The following LARP1 variants were observed in gnomAD, a reference collection of about 807,000 sequenced individuals.
LARP1 encodes la-related protein 1.
LARP1 carries 36 observed loss-of-function variants against 122.7 expected under a neutral mutation model. The observed-to-expected ratio is 0.29, with a 90% CI of 0.22 to 0.39. The LOEUF (loss-of-function observed/expected upper bound fraction) is 0.39. Ranked by LOEUF, LARP1 falls within the 10% of genes least tolerant of loss-of-function variation. The pLI, the probability that LARP1 is intolerant of heterozygous loss-of-function variation, is 1.00. For missense variants in LARP1, 1,040 were observed against 1,403.6 expected, an observed-to-expected ratio of 0.74 and a Z score of 4.14; for synonymous variants, 539 against 528.7, an observed-to-expected ratio of 1.02 and a Z score of -0.27.
chr5:154,730,755 A>G (rs2113400614), intron 1 of LARP1, among the ~76,000 whole-genome samples: 1 of 151,330 alleles, frequency 6.6e-6, no homozygotes, highest in South Asian at 2.1e-4. Context: ...TACAGGTGTG[A>G]GCCACCATGC....
chr5:154,766,310 G>T (rs1582337411), intron 1 of LARP1, among the ~76,000 whole-genome samples: 1 of 152,376 alleles, frequency 6.6e-6, no homozygotes, highest in East Asian at 1.9e-4. Flanking sequence ...CCACATGGCA[G>T]AACGTCTTGG....
chr5:154,688,356 TA>T (rs549569729), intron 1 of LARP1, among the ~76,000 whole-genome samples: 121 of 150,000 alleles, frequency 8.1e-4, no homozygotes, highest in African/African-American at 2.8e-3. Context: ...GTTCACATCT[TA>T]AAAAAAAAAT....
Position 154,756,801 on chromosome 5 carries a change from C to CGT in LARP1, c.436+611_436+612dup, listed in dbSNP as rs1405049486. On this transcript the variant is annotated intron_variant, in intron 1 of 18. Coordinates refer to ENST00000518297, the MANE Select transcript of LARP1 (RefSeq NM_033551.3). Reference sequence around the variant, plus strand: ...TCAGTTGTGGGGAGAAGAAACCCATCGTGTCATCGAATTCGGTGGTTTCCC... The same window carrying CGT: ...TCAGTTGTGGGGAGAAGAAACCCATCGTGTGTCATCGAATTCGGTGGTTTCCC... Among the ~76,000 whole-genome samples the CGT allele has an allele frequency of 2.0e-5, 3 of 152,188 alleles. No homozygotes were observed. The East Asian group carries it at 5.8e-4, about 29-fold the overall frequency.
chr5:154,698,618 T>A (rs941612811), intron 1 of LARP1, among the ~76,000 whole-genome samples: 4 of 152,010 alleles, frequency 2.6e-5, no homozygotes, highest in African/African-American at 9.6e-5. Context: ...AATAAATAAA[T>A]AAAAATTGAT....
Position 154,799,611 on chromosome 5 carries a change from G to A in LARP1, c.1398G>A (p.Val466=), listed in dbSNP as rs1758178992. The A allele has an allele frequency of 1.2e-6, 2 of 1,614,040 alleles. No individual in the cohort carries two copies. Among genetic ancestry groups the A allele is most frequent in the Non-Finnish European group, 1.7e-6 (2 of 1,180,030 alleles). ...TTCAGGCCCTAAAGGACAGCAAGGT[G>A]GTGGAGATCGTTGATGAGAAAGTTC... is the stretch of plus-strand genomic sequence containing the variant. ...LIFAALKDSK[V]VEIVDEKVRR... is the part of the protein sequence containing the mutation. Residue 466 remains valine (V), a synonymous_variant, in exon 9 of 19, where the codon GTG becomes GTA. Transcript: ENST00000518297.
chr5:154,709,758 G>A (rs964405884), upstream of LARP1, among the ~76,000 whole-genome samples: 5 of 151,992 alleles, frequency 3.3e-5, no homozygotes, highest in South Asian at 2.1e-4. Context: ...TAAAATAAGT[G>A]TCAGATGCTG....
intron 1 of LARP1, among the ~76,000 whole-genome samples, chr5:154,780,088 G>A (rs1233312175): frequency 1.3e-5 from 2 of 151,950 alleles, no homozygotes; most frequent in South Asian, 2.1e-4. Flanking sequence ...GTTGCTACTC[G>A]AGAACTCCAG....
At chr5:154,756,232 CT>C (rs759397718) in intron 1 of LARP1, 39 bp downstream of exon 1, 1 of 1,201,706 alleles carries the variant, frequency 8.3e-7, no homozygotes, top group South Asian at 1.5e-5. Flanking sequence ...CCGGGGGCCT[CT>C]TCCGGGGACA....
At chr5:154,777,712 C>T (rs757335038) in intron 1 of LARP1, among the ~76,000 whole-genome samples, 162 of 152,130 alleles carry the variant, frequency 1.1e-3, no homozygotes, top group Non-Finnish European at 1.8e-3. Context: ...GTTTGTAACA[C>T]AAAGAAAGGA....
chr5:154,788,932 C>G (rs898569528), intron 1 of LARP1, among the ~76,000 whole-genome samples: 1 of 152,126 alleles, frequency 6.6e-6, no homozygotes. Flanking sequence ...AAAACTTTAG[C>G]CAGGCGTAGT....
chr5:154,754,094 G>A (rs544367862), upstream of LARP1, among the ~76,000 whole-genome samples: 3 of 152,322 alleles, frequency 2.0e-5, no homozygotes, highest in South Asian at 6.2e-4. Flanking sequence ...TGGCATCTGC[G>A]TTCAAAGAAG....
intron 1 of LARP1, among the ~76,000 whole-genome samples, chr5:154,774,449 C>T (rs969492358): frequency 8.5e-5 from 13 of 152,116 alleles, no homozygotes; most frequent in Non-Finnish European, 1.8e-4. Context: ...AGCCAAATTC[C>T]CTCGAGGTAG....
intron 1 of LARP1, among the ~76,000 whole-genome samples, chr5:154,763,145 A>T (rs900180171): frequency 6.7e-6 from 1 of 148,788 alleles, no homozygotes. Context: ...ACCGCAACCT[A>T]TGCCTCCTGG....
intron 1 of LARP1, among the ~76,000 whole-genome samples, chr5:154,717,089 G>GGA (rs1224622670): frequency 2.6e-5 from 4 of 151,024 alleles, no homozygotes; most frequent in African/African-American, 7.3e-5. Context: ...AGAAAAAAAA[G>GGA]GAGAGAGAGA....
intron 1 of LARP1, among the ~76,000 whole-genome samples, chr5:154,738,521 G>A (rs1009420957): frequency 6.6e-6 from 1 of 152,184 alleles, no homozygotes; most frequent in Non-Finnish European, 1.5e-5. Flanking sequence ...GAACCTGAGA[G>A]GCGGATGTTG....
At position 154,792,694 on chromosome 5, in the gene LARP1, G is replaced by A. The variant is rs749941251; in HGVS notation, c.637G>A (p.Glu213Lys). The A allele has an allele frequency of 6.2e-7, 1 of 1,614,110 alleles. No individual in the cohort carries two copies. The highest frequency in any genetic ancestry group is 8.5e-7 in the Non-Finnish European group (1 of 1,180,046). The change falls in exon 4 of 19, where the codon GAA becomes AAA. Residue 213 changes from glutamate to lysine, a missense_variant. Glu to Lys is a moderately conservative substitution (Grantham distance 56). Coordinates refer to ENST00000518297, the MANE Select transcript of LARP1 (RefSeq NM_033551.3). ...GGACATGAAGGAACAGGAGAAAGGA[G>A]AAGGGAGTGATAGTAAGGAGAGTCC... Reference protein sequence around the residue: ...KKDMKEQEKGEGSDSKESPKT... With the variant: ...KKDMKEQEKGKGSDSKESPKT...
chr5:154,726,183 T>C (rs1405919213), intron 1 of LARP1, among the ~76,000 whole-genome samples: 1 of 152,106 alleles, frequency 6.6e-6, no homozygotes, highest in Non-Finnish European at 1.5e-5. Context: ...GGCAACACCC[T>C]AGGAGTAGAG....
chr5:154,788,463 G>A (rs1410707869), intron 1 of LARP1, among the ~76,000 whole-genome samples: 1 of 152,166 alleles, frequency 6.6e-6, no homozygotes, highest in Non-Finnish European at 1.5e-5. Context: ...TACTCATTAA[G>A]GGAACATGGG....
At chr5:154,745,758 G>T (rs1317741407) in intron 1 of LARP1, among the ~76,000 whole-genome samples, 1 of 151,130 alleles carries the variant, frequency 6.6e-6, no homozygotes, top group Non-Finnish European at 1.5e-5. Flanking sequence ...AGGTCACGCA[G>T]CTAGGAAGTG....
Sources: allele counts gnomAD v4.1 joint callset (sites outside exome capture counted in the v4.1 genomes callset), GRCh38; gene constraint gnomAD v4.1.1; transcripts MANE v1.5; gene names NCBI Gene and HGNC (gene_info 2026-07-23, HGNC 2026-07-21).